INPP5B: variants seen among roughly 807,000 people sequenced by gnomAD.
The protein encoded by INPP5B is inositol polyphosphate-5-phosphatase B.
Under a neutral mutation model 118.5 loss-of-function variants are expected in INPP5B, and 90 were observed. That is an observed-to-expected ratio of 0.76 (90% CI 0.64 to 0.90). INPP5B has a LOEUF of 0.90. Ranked by LOEUF, INPP5B falls within the 40% of genes least tolerant of loss-of-function variation. The probability of loss-of-function intolerance (pLI) is 0.00; values close to 1 mark genes in which losing one functional copy is unlikely to be tolerated. For missense variants in INPP5B, 984 were observed against 1,125.6 expected, an observed-to-expected ratio of 0.87 and a Z score of 1.80; for synonymous variants, 385 against 418.9, an observed-to-expected ratio of 0.92 and a Z score of 0.99.
chr1:37,866,357 TTAC>T lies in INPP5B; in HGVS notation c.2386+99_2386+101del, dbSNP rs1642028914. 4.5e-6 allele frequency: 3 copies of T among 667,170 alleles called. No homozygotes were observed. In the African/African-American group the frequency reaches 5.4e-5, roughly 12 times the overall value. The allele number at this position is 667,170 out of a possible 1,614,324, so 41.3% of individuals were successfully genotyped here. ...ATCAGATTTTGAGCCATAAAATACT[TTAC>T]TTTTTCTCACCCCTCTCACTCATAT... On this transcript the variant is annotated intron_variant, in intron 21 of 23. Transcript: ENST00000373024.
At chr1:37,875,771 C>A (rs1642761409) in intron 16 of INPP5B, 55 bp from the exon 17 acceptor site, 8 of 1,311,076 alleles carry the variant, frequency 6.1e-6, no homozygotes, top group African/African-American at 1.4e-5. Context: ...TTTCCTCTTT[C>A]TCAGTATAGA....
At chr1:37,931,842 C>A in intron 7 of INPP5B, 71 bp downstream of exon 7, 1 of 1,611,806 alleles carries the variant, frequency 6.2e-7, no homozygotes, top group Non-Finnish European at 8.5e-7. Flanking sequence ...CGCCCCAAAA[C>A]AGAACGGAGC....
intron 7 of INPP5B, among the ~76,000 whole-genome samples, chr1:37,898,478 G>A (rs1417948715): frequency 2.0e-5 from 3 of 151,984 alleles, no homozygotes; most frequent in African/African-American, 4.8e-5. Flanking sequence ...GGTGGATCAC[G>A]AGGTCAGGAA....
intron 7 of INPP5B, among the ~76,000 whole-genome samples, chr1:37,908,895 T>C (rs1644591010): frequency 6.6e-6 from 1 of 152,122 alleles, no homozygotes; most frequent in African/African-American, 2.4e-5. Context: ...CTTACCTCCT[T>C]CACTATGGGC....
chr1:37,902,042 G>A (rs1644352429), intron 7 of INPP5B, among the ~76,000 whole-genome samples: 1 of 151,074 alleles, frequency 6.6e-6, no homozygotes, highest in Non-Finnish European at 1.5e-5. Context: ...GTTGGAGTGT[G>A]GTGGCGTGAT....
At chr1:37,895,901 A>T (rs1231622111) in intron 7 of INPP5B, among the ~76,000 whole-genome samples, 1 of 152,196 alleles carries the variant, frequency 6.6e-6, no homozygotes, top group Non-Finnish European at 1.5e-5. Context: ...GGCCTCCCAA[A>T]GTGCTGAGAT....
intron 7 of INPP5B, among the ~76,000 whole-genome samples, chr1:37,917,308 T>TTATATATATATATATAGATATATA (rs1644903998): frequency 1.1e-5 from 1 of 92,796 alleles, no homozygotes; most frequent in Non-Finnish European, 2.0e-5. Context: ...AAAAAAATAA[T>TTATATATATATATATAGATATATA]TATATATATA....
chr1:37,940,669 A>G lies in INPP5B; in HGVS notation c.391+19T>C. The G allele has an allele frequency of 6.7e-7, 1 of 1,487,102 alleles. No homozygotes were observed. The highest frequency in any genetic ancestry group is 9.4e-7 in the Non-Finnish European group (1 of 1,064,254). 92.1% of individuals were successfully genotyped at this position (1,487,102 alleles called of 1,614,324 possible). A position where few individuals can be genotyped will look rare whatever the true frequency, so the allele number is the denominator to read the frequency against. ...CCCAGCAACCCACCCACCCCCAGGG[A>G]GCCTGGGGTCTTACCTACCTGGACA... On this transcript the variant is annotated intron_variant, in intron 6 of 23. Coordinates refer to ENST00000373024, the MANE Select transcript of INPP5B (RefSeq NM_005540.3).
chr1:37,914,728 T>C (rs1035942973), intron 7 of INPP5B, among the ~76,000 whole-genome samples: 1 of 152,198 alleles, frequency 6.6e-6, no homozygotes, highest in East Asian at 1.9e-4. Context: ...CATCAAGGCA[T>C]GATAATGGTT....
chr1:37,899,706 A>T (rs1644257127), intron 7 of INPP5B, among the ~76,000 whole-genome samples: 1 of 145,700 alleles, frequency 6.9e-6, no homozygotes, highest in African/African-American at 2.5e-5. Context: ...ACATAAAAAG[A>T]TTTCCATTTC....
chr1:37,868,397 G>C, intron 20 of INPP5B, 104 bp downstream of exon 20: 1 of 715,142 alleles, frequency 1.4e-6, no homozygotes, highest in Non-Finnish European at 2.6e-6. Flanking sequence ...CTCCCTGGGT[G>C]AAGAACAGTT....
intron 23 of INPP5B, among the ~76,000 whole-genome samples, chr1:37,863,493 G>A (rs925930060): frequency 2.5e-4 from 37 of 150,836 alleles, no homozygotes; most frequent in African/African-American, 8.5e-4. Flanking sequence ...CCAGCCTGGC[G>A]ACAGAGCGAG....
chr1:37,929,544 A>C (rs1206339577), intron 7 of INPP5B: 1 of 152,108 alleles, frequency 6.6e-6, no homozygotes, highest in East Asian at 1.9e-4. Flanking sequence ...CTGTATCGAC[A>C]TCCAAAGGCA....
chr1:37,923,982 T>A (rs753916165), intron 7 of INPP5B, among the ~76,000 whole-genome samples: 1 of 152,044 alleles, frequency 6.6e-6, no homozygotes, highest in Non-Finnish European at 1.5e-5. Context: ...TTCACCATGT[T>A]GGCCAGGCTG....
chr1:37,893,350 G>A (rs1436339470), intron 7 of INPP5B, among the ~76,000 whole-genome samples: 2 of 152,036 alleles, frequency 1.3e-5, no homozygotes, highest in African/African-American at 4.8e-5. Context: ...CTCTCAAAGT[G>A]CTGGGATTAC....
At chr1:37,938,831 T>A (rs1022088400) in intron 6 of INPP5B, among the ~76,000 whole-genome samples, 2 of 152,070 alleles carry the variant, frequency 1.3e-5, no homozygotes, top group Non-Finnish European at 2.9e-5. Context: ...CCAAGGTGGG[T>A]GGATCACCTT....
intron 7 of INPP5B, among the ~76,000 whole-genome samples, chr1:37,898,742 C>A (rs1644220295): frequency 6.6e-6 from 1 of 151,332 alleles, no homozygotes; most frequent in African/African-American, 2.4e-5. Context: ...TTTAAAAAAT[C>A]ATTTAGGACG....
rs755928040 is a variant in INPP5B, at chr1:37,862,425, T to C, written c.2632A>G (p.Ile878Val). ...TTTCGAAGCAATAAGCTGCCAAATA[T>C]GCTAGCTGCAAGAAAAAACACAGAA... ...NHLDENILAS[I>V]FGSLLLRNPA... Residue 878 changes from isoleucine to valine, a missense_variant, in exon 24 of 24, where the codon ATA becomes GTA. Around this residue, in one of 2 missense-constraint regions of INPP5B, gnomAD observed 634 missense variants for 791.0 expected, o/e 0.80. Coordinates refer to ENST00000373024, the MANE Select transcript of INPP5B (RefSeq NM_005540.3). 3 of 1,603,434 alleles carry C rather than the reference T, an allele frequency of 1.9e-6. No homozygotes were observed. The highest frequency in any genetic ancestry group is 2.6e-6 in the Non-Finnish European group (3 of 1,170,378).
chr1:37,888,177 A>T, intron 10 of INPP5B, 66 bp downstream of exon 10: 1 of 962,080 alleles, frequency 1.0e-6, no homozygotes, highest in Non-Finnish European at 1.5e-6. Context: ...TGTTGTGAAG[A>T]CCCATCCTTC....
Sources: gnomAD v4.1 joint callset for allele counts (sites outside exome capture counted in the v4.1 genomes callset) on GRCh38, gnomAD v4.1.1 for gene constraint, gnomAD v4.1.1 regional missense constraint, MANE v1.5 for transcripts, NCBI Gene and HGNC (gene_info 2026-07-23, HGNC 2026-07-21) for gene names.